The following SLC14A2 variants were observed in gnomAD, a reference collection of about 807,000 sequenced individuals.
SLC14A2 encodes urea transporter 2.
SLC14A2 carries 91 observed loss-of-function variants against 104.6 expected under a neutral mutation model. The observed-to-expected ratio is 0.87, with a 90% CI of 0.73 to 1.04. The LOEUF is 1.04. SLC14A2 is among the 50% of genes least tolerant of loss of function. The pLI, the probability that SLC14A2 is intolerant of heterozygous loss-of-function variation, is 0.00. For missense variants in SLC14A2, 1,189 were observed against 1,156.0 expected, an observed-to-expected ratio of 1.03 and a Z score of -0.41; for synonymous variants, 476 against 466.4, an observed-to-expected ratio of 1.02 and a Z score of -0.27.
At chr18:45,257,991 A>G (rs895461771) in intron 1 of SLC14A2, among the ~76,000 whole-genome samples, 7 of 152,236 alleles carry the variant, frequency 4.6e-5, no homozygotes, top group African/African-American at 1.7e-4. Flanking sequence ...TAACAACTAC[A>G]GTAGTCACAA....
intron 1 of SLC14A2, among the ~76,000 whole-genome samples, chr18:45,436,372 A>C (rs1434193222): frequency 6.6e-6 from 1 of 152,172 alleles, no homozygotes; most frequent in Non-Finnish European, 1.5e-5. Context: ...GTATTTCTTA[A>C]CTAGGGCAAC....
intron 1 of SLC14A2, chr18:45,440,589 G>A (rs2086667630): frequency 6.6e-6 from 1 of 152,200 alleles, no homozygotes; most frequent in Non-Finnish European, 1.5e-5. Flanking sequence ...AGCTTTAAAA[G>A]TGTGTTCCTG....
Position 45,327,352 on chromosome 18 carries a change from T to C in SLC14A2, c.-125+114161T>C, listed in dbSNP as rs143982187. On this transcript the variant is annotated intron_variant, in intron 1 of 20. Transcript: ENST00000586448. ...TTTGGTAAAATTTACATATAAATTTTACCATTTTTACCATGCTAAATGTAG... is the reference window on the plus strand; with the variant it reads ...TTTGGTAAAATTTACATATAAATTTCACCATTTTTACCATGCTAAATGTAG... Among the ~76,000 whole-genome samples, 226 of 152,276 alleles carry C rather than the reference T, an allele frequency of 1.5e-3. No individual in the cohort carries two copies. In the Middle Eastern group the frequency reaches 0.017, roughly 11 times the overall value.
chr18:45,541,544 A>G (rs1156366455), intron 2 of SLC14A2, among the ~76,000 whole-genome samples: 1 of 152,244 alleles, frequency 6.6e-6, no homozygotes, highest in African/African-American at 2.4e-5. Flanking sequence ...CTTCTAGTAC[A>G]GAGTAGTTCA....
rs534363427 is a variant in SLC14A2, at chr18:45,317,632, G to C, written c.-125+104441G>C. Among the ~76,000 whole-genome samples the C allele has an allele frequency of 6.9e-4, 105 of 152,230 alleles. No individual in the cohort carries two copies. The Middle Eastern group carries it at 0.017, about 25-fold the overall frequency. ...TGTAATATGGGGAGGGATGATTTCC[G>C]GTCAGAGCCCCGAGGCAGGAAGAAA... is the stretch of plus-strand genomic sequence containing the variant. On this transcript the variant is annotated intron_variant, in intron 1 of 20. Transcript: ENST00000586448.
intron 1 of SLC14A2, among the ~76,000 whole-genome samples, chr18:45,331,678 G>A (rs553735566): frequency 5.1e-4 from 75 of 148,068 alleles, no homozygotes; most frequent in Non-Finnish European, 8.5e-4. Flanking sequence ...GTGACAGAGC[G>A]AGACTCCGTC....
intron 1 of SLC14A2, among the ~76,000 whole-genome samples, chr18:45,373,301 C>T (rs539932777): frequency 5.5e-4 from 84 of 152,254 alleles, no homozygotes; most frequent in Middle Eastern, 3.4e-3. Context: ...CGGCTCCAGG[C>T]TCTCTCTCTA....
chr18:45,624,094 G>C (rs535050373), intron 1 of SLC14A2, among the ~76,000 whole-genome samples: 7 of 152,320 alleles, frequency 4.6e-5, no homozygotes, highest in African/African-American at 1.4e-4. Flanking sequence ...GCTCATGGAA[G>C]AATAGACCAG....
At chr18:45,330,650 G>A (rs1379259601) in intron 1 of SLC14A2, among the ~76,000 whole-genome samples, 4 of 152,326 alleles carry the variant, frequency 2.6e-5, no homozygotes, top group Non-Finnish European at 4.4e-5. Context: ...GCATGCAGAT[G>A]TGAGGTCATG....
At chr18:45,446,648 C>G (rs2086774947) in intron 1 of SLC14A2, among the ~76,000 whole-genome samples, 1 of 152,198 alleles carries the variant, frequency 6.6e-6, no homozygotes, top group South Asian at 2.1e-4. Context: ...ATTGAAATAG[C>G]TTCAGCTCCC....
chr18:45,638,729 A>G (rs1418164250), intron 6 of SLC14A2, among the ~76,000 whole-genome samples: 1 of 152,214 alleles, frequency 6.6e-6, no homozygotes, highest in Non-Finnish European at 1.5e-5. Context: ...GTCCTCACAG[A>G]GGTCATGTGA....
chr18:45,677,305 G>A (rs1439810908), intron 18 of SLC14A2, among the ~76,000 whole-genome samples: 1 of 152,202 alleles, frequency 6.6e-6, no homozygotes, highest in African/African-American at 2.4e-5. Flanking sequence ...AAGATGGATG[G>A]AGTTGGAGTC....
At chr18:45,500,317 C>T (rs2043171845) in intron 2 of SLC14A2, among the ~76,000 whole-genome samples, 1 of 152,014 alleles carries the variant, frequency 6.6e-6, no homozygotes, top group Non-Finnish European at 1.5e-5. Context: ...GTGGCTCACG[C>T]CTGTAATCCC....
At chr18:45,368,056 G>A (rs2085684454) in intron 1 of SLC14A2, among the ~76,000 whole-genome samples, 1 of 151,952 alleles carries the variant, frequency 6.6e-6, no homozygotes, top group African/African-American at 2.4e-5. Context: ...TCCTACTGTG[G>A]GGATCCAGGA....
At chr18:45,410,045 G>A (rs2086197693) in intron 1 of SLC14A2, among the ~76,000 whole-genome samples, 2 of 152,132 alleles carry the variant, frequency 1.3e-5, no homozygotes, top group Admixed American at 1.3e-4. Context: ...AGATCATCAG[G>A]AATTAGATTC....
intron 9 of SLC14A2, 59 bp from the exon 10 acceptor site, chr18:45,643,927 C>A: frequency 6.7e-7 from 1 of 1,489,680 alleles, no homozygotes; most frequent in Non-Finnish European, 9.3e-7. Flanking sequence ...CCCCCAGAGT[C>A]CCCAGCCCAA....
chr18:45,652,426 C>T (rs555351209), intron 10 of SLC14A2, among the ~76,000 whole-genome samples: 1 of 152,194 alleles, frequency 6.6e-6, no homozygotes, highest in Non-Finnish European at 1.5e-5. Flanking sequence ...AAGGACCTCC[C>T]AACCCCCTTC....
chr18:45,417,884 C>T (rs1373425619), intron 1 of SLC14A2, among the ~76,000 whole-genome samples: 4 of 152,120 alleles, frequency 2.6e-5, no homozygotes, highest in African/African-American at 9.7e-5. Flanking sequence ...CCTAGTCATA[C>T]CTTCTAGGAA....
chr18:45,663,626 A>G (rs1034312959), intron 10 of SLC14A2, among the ~76,000 whole-genome samples, 159 bp from the exon 11 acceptor site: 5 of 152,184 alleles, frequency 3.3e-5, no homozygotes, highest in Non-Finnish European at 7.3e-5. Context: ...TAGAGAAGCT[A>G]AGTGTTTTAT....
Sources: gnomAD v4.1 joint callset for allele counts (sites outside exome capture counted in the v4.1 genomes callset) on GRCh38, gnomAD v4.1.1 for gene constraint, MANE v1.5 for transcripts, NCBI Gene and HGNC (gene_info 2026-07-23, HGNC 2026-07-21) for gene names.